AMPD3: variants seen among roughly 807,000 people sequenced by gnomAD.
The protein encoded by AMPD3 is AMP deaminase 3.
Under a neutral mutation model 82.3 loss-of-function variants are expected in AMPD3, and 57 were observed. That is an observed-to-expected ratio of 0.69 (90% CI 0.56 to 0.86). The LOEUF (loss-of-function observed/expected upper bound fraction) is 0.86, where lower values mean the gene tolerates loss of function less well. AMPD3 is among the 40% of genes least tolerant of loss of function. AMPD3 has a pLI of 0.00. For synonymous variants in AMPD3, 381 were observed against 394.7 expected, an observed-to-expected ratio of 0.97 and a Z score of 0.41; for missense variants, 870 against 1,003.8, an observed-to-expected ratio of 0.87 and a Z score of 1.80.
At chr11:10,489,185 G>A (rs1487271975) in intron 6 of AMPD3, among the ~76,000 whole-genome samples, 2 of 152,202 alleles carry the variant, frequency 1.3e-5, no homozygotes, top group Non-Finnish European at 2.9e-5. Flanking sequence ...TCAGACAGGT[G>A]GATGCCTCCA....
At chr11:10,489,172 C>T (rs150915324) in intron 6 of AMPD3, among the ~76,000 whole-genome samples, 11 of 152,188 alleles carry the variant, frequency 7.2e-5, no homozygotes, top group African/African-American at 1.7e-4. Flanking sequence ...GAGGCTTAGG[C>T]GTTCAGACAG....
intron 2 of AMPD3, among the ~76,000 whole-genome samples, chr11:10,466,177 G>A (rs962121823): frequency 3.9e-5 from 6 of 151,950 alleles, no homozygotes; most frequent in African/African-American, 4.8e-5. Flanking sequence ...CAGGAGAATC[G>A]CTTGAACCCA....
At chr11:10,500,985 G>T (rs1849563420) in intron 11 of AMPD3, 1 of 985,410 alleles carries the variant, frequency 1.0e-6, no homozygotes, top group Non-Finnish European at 1.2e-6. Flanking sequence ...GAAAGAAATG[G>T]CCTGGCAGGG....
intron 10 of AMPD3, chr11:10,497,798 A>G (rs1849462228): frequency 1.0e-6 from 1 of 985,304 alleles, no homozygotes; most frequent in Non-Finnish European, 1.2e-6. Context: ...GAAATAGCTC[A>G]CACTCGTGCG....
upstream of AMPD3, chr11:10,450,872 C>G: frequency 1.6e-6 from 2 of 1,222,804 alleles, no homozygotes; most frequent in Non-Finnish European, 2.0e-6. Context: ...AGCGCTGCGC[C>G]CTCTGAACGC....
chr11:10,495,154 G>C, intron 8 of AMPD3, 124 bp downstream of exon 8: 1 of 1,600,840 alleles, frequency 6.2e-7, no homozygotes, highest in Non-Finnish European at 8.5e-7. Context: ...GCTCAGGGAA[G>C]GGTGAGGTGC....
chr11:10,499,907 A>G (rs1037159859), intron 10 of AMPD3, 179 bp from the exon 11 acceptor site: 3 of 984,322 alleles, frequency 3.0e-6, no homozygotes, highest in East Asian at 2.3e-4. Flanking sequence ...TTGGTGTTGT[A>G]CCCACTTTTC....
At chr11:10,477,934 G>A (rs1848787757) in intron 2 of AMPD3, 2 of 985,340 alleles carry the variant, frequency 2.0e-6, no homozygotes, top group South Asian at 4.7e-5. Flanking sequence ...GCGGTCGCTA[G>A]TCCACGGTCC....
At position 10,456,241 on chromosome 11, in the gene AMPD3, C is replaced by G; in HGVS notation, c.-6+793C>G. 6.6e-7 allele frequency: 1 copy of G among 1,507,854 alleles called. No individual in the cohort carries two copies. The highest frequency in any genetic ancestry group is 1.4e-5 in the South Asian group (1 of 73,672). 93.4% of individuals were successfully genotyped at this position (1,507,854 alleles called of 1,614,324 possible). ...TCCTGCTCTGGCTCACTGCTGCTCA[C>G]AGATATGCAAAACAGAGACCTCCTA... On this transcript the variant is annotated intron_variant, in intron 1 of 14. Transcript: ENST00000396553. This position sits in a 1 kb window ranked among gnomAD's most constrained non-coding sequence, Gnocchi z 4.3.
chr11:10,451,129 T>C (rs1847951726), upstream of AMPD3: 21 of 1,521,542 alleles, frequency 1.4e-5, no homozygotes, highest in South Asian at 2.5e-4. Context: ...CGCCCTGGGG[T>C]CTGAACCGCG....
intron 6 of AMPD3, chr11:10,488,168 CCTGCAGGGGCCGCAA>C (rs1849132948): frequency 1.0e-6 from 1 of 981,256 alleles, no homozygotes; most frequent in African/African-American, 1.7e-5. Context: ...GCAGTCTCCG[CCTGCAGGGGCCGCAA>C]CTGCGGTAGG....
chr11:10,478,529 GAA>G lies in AMPD3; in HGVS notation c.228_229del (p.Ser77PhefsTer52), dbSNP rs1564845722. On this transcript the variant is annotated frameshift_variant, in exon 3 of 15. Transcript: ENST00000396553. LOFTEE classifies it high-confidence loss of function. ...TTTCCTTGTCCTTGGCTCTTAGAAA[GAA>G]AAGTTTCAAGATGATTCGGTCCCAG... Reference protein sequence around the residue: ...QKSVETAKRKKSFKMIRSQSL... With the variant: ...QKSVETAKRKXSFKMIRSQSL... 3.7e-6 allele frequency: 6 copies of G among 1,614,172 alleles called. No individual in the cohort carries two copies. The highest frequency in any genetic ancestry group is 2.2e-5 in the East Asian group (1 of 44,886).
chr11:10,490,967 G>A (rs1405813696), intron 6 of AMPD3, among the ~76,000 whole-genome samples: 1 of 152,222 alleles, frequency 6.6e-6, no homozygotes, highest in Non-Finnish European at 1.5e-5. Flanking sequence ...TGGCAGGAAG[G>A]ATGCTGATGA....
intron 2 of AMPD3, chr11:10,476,894 A>G: frequency 1.0e-6 from 1 of 982,158 alleles, no homozygotes; most frequent in Non-Finnish European, 1.2e-6. Flanking sequence ...GCTCAGGTTG[A>G]GTTTCCCGAA....
Position 10,484,961 on chromosome 11 carries a change from AC to A in AMPD3, c.732del (p.His244GlnfsTer15). ...AAGATGCTGGAGCACCAGGAGCCGC[AC>A]AGCCTACCCTACCCCGACCTGGAGA... is the stretch of plus-strand genomic sequence containing the variant. Reference protein sequence around the residue: ...NKKMLEHQEPHSLPYPDLETY... With the variant: ...NKKMLEHQEPXSLPYPDLETY... On this transcript the variant is annotated frameshift_variant, in exon 5 of 15. Transcript: ENST00000396553. LOFTEE classifies it high-confidence loss of function. 3 of 1,600,812 alleles carry A rather than the reference AC, an allele frequency of 1.9e-6. No homozygotes were observed. The highest frequency in any genetic ancestry group is 2.6e-6 in the Non-Finnish European group (3 of 1,174,154).
Position 10,478,610 on chromosome 11 carries a change from C to T in AMPD3, c.306C>T (p.Ala102=). ...PQQDWKGPPA[A]SPAMSPTTPV... is the part of the protein sequence containing the mutation. ...AAGATTGGAAGGGCCCCCCGGCAGCCAGTCCGGCCATGTCTCCCACAACCC... is the reference window on the plus strand; with the variant it reads ...AAGATTGGAAGGGCCCCCCGGCAGCTAGTCCGGCCATGTCTCCCACAACCC... Residue 102 remains alanine (A), a synonymous_variant, in exon 3 of 15, where the codon GCC becomes GCT. Coordinates refer to ENST00000396553, the MANE Select transcript of AMPD3 (RefSeq NM_001025389.2). The T allele has an allele frequency of 6.2e-7, 1 of 1,614,266 alleles. No individual in the cohort carries two copies. Among genetic ancestry groups the T allele is most frequent in the Non-Finnish European group, 8.5e-7 (1 of 1,180,044 alleles).
chr11:10,496,962 C>T, intron 10 of AMPD3, 24 bp downstream of exon 10: 2 of 1,613,390 alleles, frequency 1.2e-6, no homozygotes, highest in Non-Finnish European at 1.7e-6. Flanking sequence ...GTGCCCTAGG[C>T]AGGGCTCATA....
chr11:10,488,213 T>C (rs1000723069), intron 6 of AMPD3: 5 of 985,358 alleles, frequency 5.1e-6, no homozygotes, highest in Admixed American at 6.1e-5. Context: ...TAAATGATCA[T>C]GGCCCTAGCC....
At chr11:10,450,992 G>A (rs143741835), upstream of AMPD3, 13,829 of 1,570,754 alleles carry the variant, frequency 8.8e-3, 88 homozygotes, top group Middle Eastern at 0.016. Flanking sequence ...CTTTGCTCCA[G>A]CCCTGCGGCC....
Sources: gnomAD v4.1 joint callset for allele counts (sites outside exome capture counted in the v4.1 genomes callset) on GRCh38, gnomAD v4.1.1 for gene constraint, Gnocchi (gnomAD v3.1) non-coding constraint, MANE v1.5 for transcripts, NCBI Gene and HGNC (gene_info 2026-07-23, HGNC 2026-07-21) for gene names.